Variants in CCN5 observed in about 807,000 individuals in gnomAD.
The protein encoded by CCN5 is cellular communication network factor 5.
In CCN5, 17 loss-of-function variants were observed where a neutral mutation model predicts 18.7. That is an observed-to-expected ratio of 0.91 (90% confidence interval 0.62 to 1.36). The LOEUF (loss-of-function observed/expected upper bound fraction) is 1.36. Ranked by LOEUF, CCN5 falls within the 40% of genes most tolerant of loss-of-function variation. The pLI, the probability that CCN5 is intolerant of heterozygous loss-of-function variation, is 0.00. For missense variants in CCN5, 367 were observed against 342.9 expected (o/e 1.07, Z -0.56); for synonymous variants, 135 against 145.2 (o/e 0.93, Z 0.50).
At position 44,727,438 on chromosome 20, in the gene CCN5, C is replaced by A; in HGVS notation, c.*131C>A. Reference sequence around the variant, plus strand: ...AGGCAACACTTTAGCTTGGGTCCACCATGCAGAACACCAATATTAACACGC... The same window carrying A: ...AGGCAACACTTTAGCTTGGGTCCACAATGCAGAACACCAATATTAACACGC... On this transcript the variant is annotated 3_prime_UTR_variant, in exon 4 of 4. Transcript: ENST00000190983. The A allele has an allele frequency of 6.9e-7, 1 of 1,442,442 alleles. No homozygotes were observed. Among genetic ancestry groups the A allele is most frequent in the South Asian group, 1.5e-5 (1 of 66,878 alleles). The allele number at this position is 1,442,442 out of a possible 1,614,324, so 89.4% of individuals were successfully genotyped here.
chr20:44,724,781 T>C lies in CCN5; in HGVS notation c.321T>C (p.Tyr107=). The C allele has an allele frequency of 6.2e-7, 1 of 1,612,798 alleles. No individual in the cohort carries two copies. Among genetic ancestry groups the C allele is most frequent in the East Asian group, 2.2e-5 (1 of 44,884 alleles). ...GCTGTGAGGTGAACGGCCGCCTGTA[T>C]CGGGAAGGGGAGACCTTCCAGCCCC... ...DSSCEVNGRL[Y]REGETFQPHC... Residue 107 remains tyrosine (Y), a synonymous_variant, in exon 3 of 4, where the codon TAT becomes TAC. Coordinates refer to ENST00000190983, the MANE Select transcript of CCN5 (RefSeq NM_003881.4).
chr20:44,727,295 C>T lies in CCN5; in HGVS notation c.741C>T (p.Asn247=). 1 of 1,611,480 alleles carries T rather than the reference C, an allele frequency of 6.2e-7. No homozygotes were observed. Among genetic ancestry groups the T allele is most frequent in the Non-Finnish European group, 8.5e-7 (1 of 1,178,536 alleles). Residue 247 remains asparagine (N), a synonymous_variant, in exon 4 of 4, where the codon AAC becomes AAT. Transcript: ENST00000190983. The part of the protein sequence containing the change: ...CPPSRGRSPQ[N]SAF ...CCTCCAGGGGTCGCAGTCCACAAAA[C>T]AGTGCCTTCTAGAGCCGGGCTGGGA...
In CCN5 at chr20:44,727,253, G is replaced by C. The variant is rs745729248; in HGVS notation, c.699G>C (p.Leu233=). The change falls in exon 4 of 4, where the codon CTG becomes CTC. Residue 233 remains leucine, a synonymous_variant. Transcript: ENST00000190983. ...TGGAGACCCAGCGCCGCCTGTGCCT[G>C]TCCAGGCCCTGCCCACCCTCCAGGG... is the stretch of plus-strand genomic sequence containing the variant. ...CRLETQRRLC[L]SRPCPPSRGR... is the part of the protein sequence containing the mutation. 6.2e-7 allele frequency: 1 copy of C among 1,613,648 alleles called. No homozygotes were observed. Among genetic ancestry groups the C allele is most frequent in the Non-Finnish European group, 8.5e-7 (1 of 1,179,986 alleles).
intron 3 of CCN5, 78 bp from the exon 4 acceptor site, chr20:44,727,009 C>A (rs546308622): frequency 7.2e-7 from 1 of 1,390,004 alleles, no homozygotes; most frequent in South Asian, 1.5e-5. Context: ...CCAAGATTGC[C>A]GTGGCCGCTG....
In CCN5 at chr20:44,719,966, C is replaced by A. The variant is rs758290761; in HGVS notation, c.130C>A (p.Pro44Thr). 1 of 1,613,750 alleles carries A rather than the reference C, an allele frequency of 6.2e-7. No individual in the cohort carries two copies. The highest frequency in any genetic ancestry group is 8.5e-7 in the Non-Finnish European group (1 of 1,179,914). Residue 44 changes from proline to threonine, a missense_variant, in exon 2 of 4, where the codon CCC becomes ACC. Transcript: ENST00000190983. ...ACCTCCCCGATGCCCGCTGGGAGTACCCCTGGTGCTGGATGGCTGTGGCTG... is the reference window on the plus strand; with the variant it reads ...ACCTCCCCGATGCCCGCTGGGAGTAACCCTGGTGCTGGATGGCTGTGGCTG... Reference protein sequence around the residue: ...WPPPRCPLGVPLVLDGCGCCR... With the variant: ...WPPPRCPLGVTLVLDGCGCCR...
chr20:44,724,925 C>T lies in CCN5; in HGVS notation c.465C>T (p.Gly155=), dbSNP rs2065925545. 1 of 1,596,364 alleles carries T rather than the reference C, an allele frequency of 6.3e-7. No individual in the cohort carries two copies. The highest frequency in any genetic ancestry group is 8.5e-7 in the Non-Finnish European group (1 of 1,173,152). The change falls in exon 3 of 4, where the codon GGC becomes GGT. Residue 155 remains glycine (G), a synonymous_variant. Transcript: ENST00000190983. ...CPHPRRVEVL[G]KCCPEWVCGQ... ...ACCCCAGGAGGGTCGAGGTCCTGGG[C>T]AAGTGCTGCCCTGAGTGGGTGTGCG... is the stretch of plus-strand genomic sequence containing the variant.
Position 44,727,281 on chromosome 20 carries a change from C to A in CCN5, c.727C>A (p.Arg243Ser), listed in dbSNP as rs200780244. ...LSRPCPPSRG[R>S]SPQNSAF ...CAGGCCCTGCCCACCCTCCAGGGGT[C>A]GCAGTCCACAAAACAGTGCCTTCTA... Residue 243 changes from arginine to serine, a missense_variant, in exon 4 of 4, where the codon CGC becomes AGC. Physicochemically the swap from Arg to Ser is moderately radical, Grantham distance 110 (BLOSUM62 -1). Coordinates refer to ENST00000190983, the MANE Select transcript of CCN5 (RefSeq NM_003881.4). The A allele has an allele frequency of 6.2e-7, 1 of 1,612,974 alleles. No homozygotes were observed. The highest frequency in any genetic ancestry group is 2.2e-5 in the East Asian group (1 of 44,862).
At chr20:44,723,193 G>C (rs1305549361) in intron 2 of CCN5, among the ~76,000 whole-genome samples, 1 of 152,090 alleles carries the variant, frequency 6.6e-6, no homozygotes, top group Admixed American at 6.5e-5. Flanking sequence ...CAGGGCCTTT[G>C]CACTGGCTGT....
At chr20:44,726,946 T>G in intron 3 of CCN5, 141 bp from the exon 4 acceptor site, 1 of 807,964 alleles carries the variant, frequency 1.2e-6, no homozygotes, top group South Asian at 2.0e-5. Context: ...CCATCCACTG[T>G]TAAGAAATTT....
intron 1 of CCN5, 80 bp downstream of exon 1, chr20:44,715,530 AC>A (rs1429511993): frequency 5.5e-6 from 8 of 1,457,680 alleles, no homozygotes; most frequent in Admixed American, 3.9e-5. Flanking sequence ...GCAGCCAAGG[AC>A]CCCCTTGGCA....
At chr20:44,722,656 T>A (rs2065908234) in intron 2 of CCN5, among the ~76,000 whole-genome samples, 1 of 151,926 alleles carries the variant, frequency 6.6e-6, no homozygotes, top group South Asian at 2.1e-4. Context: ...AGTATTTCAG[T>A]AGAGACGGGG....
rs6103846 is a variant in CCN5 at position 44,727,245 on chromosome 20, C to T, written c.691C>T (p.Leu231=). The T allele has an allele frequency of 6.2e-7, 1 of 1,613,690 alleles. No homozygotes were observed. The highest frequency in any genetic ancestry group is 1.3e-5 in the African/African-American group (1 of 74,934). The change falls in exon 4 of 4, where the codon CTG becomes TTG. Residue 231 remains leucine, a synonymous_variant. Transcript: ENST00000190983. ...CTGCCGACTGGAGACCCAGCGCCGC[C>T]TGTGCCTGTCCAGGCCCTGCCCACC... ...RFCRLETQRR[L]CLSRPCPPSR... is the part of the protein sequence containing the mutation.
In CCN5 at chr20:44,727,403, C is replaced by T. The variant is rs559762357; in HGVS notation, c.*96C>T. ...GATGGAAGATGGTCCGTGCCCAGGC[C>T]CTTGGCTGCAGGCAACACTTTAGCT... is the stretch of plus-strand genomic sequence containing the variant. On this transcript the variant is annotated 3_prime_UTR_variant, in exon 4 of 4. Transcript: ENST00000190983. The T allele has an allele frequency of 1.4e-6, 2 of 1,455,552 alleles. No individual in the cohort carries two copies. The highest frequency in any genetic ancestry group is 2.9e-5 in the South Asian group (2 of 69,198). The allele number at this position is 1,455,552 out of a possible 1,614,324, so 90.2% of individuals were successfully genotyped here.
At chr20:44,715,252 TGTGTGTGTGAGCGCGCGCGCGCGCGCGC>T (rs1310964132), upstream of CCN5, 5 of 518,466 alleles carry the variant, frequency 9.6e-6, no homozygotes, top group African/African-American at 1.3e-4. Flanking sequence ...TGTGTGTGTG[TGTGTGTGTGAGCGCGCGCGCGCGCGCGC>T]GTGTGTACTC....
chr20:44,725,042 A>AGTGGGTG, intron 3 of CCN5, 50 bp downstream of exon 3: 1 of 1,466,026 alleles, frequency 6.8e-7, no homozygotes, highest in Admixed American at 2.7e-5. Context: ...GGGGGCGCCA[A>AGTGGGTG]GGGCCACCTA....
chr20:44,727,259 GCC>G lies in CCN5; in HGVS notation c.707_708del (p.Pro236LeufsTer55). 6.2e-7 allele frequency: 1 copy of G among 1,613,692 alleles called. No homozygotes were observed. On this transcript the variant is annotated frameshift_variant, in exon 4 of 4. Coordinates refer to ENST00000190983, the MANE Select transcript of CCN5 (RefSeq NM_003881.4). LOFTEE classifies it high-confidence loss of function. The part of the protein sequence containing the change: ...ETQRRLCLSR[P>X]CPPSRGRSPQ... ...CCCAGCGCCGCCTGTGCCTGTCCAG[GCC>G]CTGCCCACCCTCCAGGGGTCGCAGT... is the stretch of plus-strand genomic sequence containing the variant.
chr20:44,720,117 A>G lies in CCN5; in HGVS notation c.277+4A>G. 1 of 1,543,928 alleles carries G rather than the reference A, an allele frequency of 6.5e-7. No homozygotes were observed. Reference sequence around the variant, plus strand: ...GGCCGGGGGGCCCTGTGCCTCTGTAAGCAGGTTTGCAGGACTGAGTGGGGG... The same window carrying G: ...GGCCGGGGGGCCCTGTGCCTCTGTAGGCAGGTTTGCAGGACTGAGTGGGGG... On this transcript the variant is annotated splice_donor_region_variant and intron_variant, in intron 2 of 3. Transcript: ENST00000190983.
Position 44,727,434 on chromosome 20 carries a change from C to T in CCN5, c.*127C>T, listed in dbSNP as rs528771892. 8 of 1,445,312 alleles carry T rather than the reference C, an allele frequency of 5.5e-6. No individual in the cohort carries two copies. The South Asian group carries it at 1.2e-4, about 21-fold the overall frequency. The allele number at this position is 1,445,312 out of a possible 1,614,324, so 89.5% of individuals were successfully genotyped here. A position where few individuals can be genotyped will look rare whatever the true frequency, so the allele number is the denominator to read the frequency against. ...CTGCAGGCAACACTTTAGCTTGGGT[C>T]CACCATGCAGAACACCAATATTAAC... On this transcript the variant is annotated 3_prime_UTR_variant, in exon 4 of 4. Transcript: ENST00000190983.
At chr20:44,719,701 C>T (rs1476731322) in intron 1 of CCN5, among the ~76,000 whole-genome samples, 196 bp from the exon 2 acceptor site, 1 of 152,216 alleles carries the variant, frequency 6.6e-6, no homozygotes, top group Non-Finnish European at 1.5e-5. Context: ...AGTCCAGAGT[C>T]CTTGCCCATA....
Sources: gnomAD v4.1 joint callset for allele counts (sites outside exome capture counted in the v4.1 genomes callset) on GRCh38, gnomAD v4.1.1 for gene constraint, MANE v1.5 for transcripts, NCBI Gene and HGNC (gene_info 2026-07-23, HGNC 2026-07-21) for gene names.